MACF1: variants seen among roughly 807,000 people sequenced by gnomAD.
The protein encoded by MACF1 is microtubule actin crosslinking factor 1.
A neutral mutation model predicts 854.8 loss-of-function variants in MACF1; 193 were observed. The ratio of observed to expected loss-of-function variants is 0.23; its 90% CI spans 0.20 to 0.25. The LOEUF (loss-of-function observed/expected upper bound fraction) is 0.25, where lower values mean the gene tolerates loss of function less well. Among genes scored for constraint, MACF1 ranks in the 10% least tolerant of loss-of-function variants. The pLI is 1.00. For synonymous variants in MACF1, 3,185 were observed against 3,226.7 expected (o/e 0.99, Z 0.44); for missense variants, 7,722 against 8,929.1 (o/e 0.86, Z 5.45).
chr1:39,393,076 A>G (rs892426565), intron 58 of MACF1, among the ~76,000 whole-genome samples: 6 of 151,728 alleles, frequency 4.0e-5, no homozygotes, highest in African/African-American at 9.7e-5. Context: ...TATTGAGGAA[A>G]AGGAATTGTA....
intron 31 of MACF1, among the ~76,000 whole-genome samples, chr1:39,321,709 A>T (rs1410043653): frequency 6.6e-6 from 1 of 152,212 alleles, no homozygotes; most frequent in Non-Finnish European, 1.5e-5. Flanking sequence ...TCTTTGAACC[A>T]GTAGCATCCG....
At position 39,485,663 on chromosome 1, in the gene MACF1, G is replaced by C. The variant is rs1263871195; in HGVS notation, c.22537G>C (p.Asp7513His). The stretch of plus-strand genomic sequence containing the variant: ...CTTAGAGACGCAGTCTGCTTGTTCC[G>C]ACACTTCAGAAAGCAGCGCTGCAGG... ...DLLETQSACS[D>H]TSESSAAGGQ... Residue 7513 changes from aspartate (D) to histidine (H), a missense_variant, in exon 101 of 101, where the codon GAC becomes CAC. Physicochemically the swap from Asp to His is moderately conservative, Grantham distance 81. This residue lies in a region of MACF1 where 185 missense variants were observed against 225.7 expected (regional missense o/e 0.82). Coordinates refer to ENST00000564288, the MANE Select transcript of MACF1 (RefSeq NM_001394062.1). 1.9e-6 allele frequency: 3 copies of C among 1,614,094 alleles called. No homozygotes were observed. The highest frequency in any genetic ancestry group is 2.2e-5 in the East Asian group (1 of 44,868).
intron 2 of MACF1, among the ~76,000 whole-genome samples, chr1:39,155,558 G>T (rs974471541): frequency 6.6e-6 from 1 of 152,150 alleles, no homozygotes; most frequent in Non-Finnish European, 1.5e-5. Context: ...AGGTCTTAAG[G>T]TCATTTCAGG....
At chr1:39,202,124 G>A (rs980368865), upstream of MACF1, among the ~76,000 whole-genome samples, 10 of 149,776 alleles carry the variant, frequency 6.7e-5, no homozygotes, top group Non-Finnish European at 1.2e-4. Context: ...CCATCACCAC[G>A]CCCAGCTAAG....
intron 100 of MACF1, 40 bp from the exon 101 acceptor site, chr1:39,485,498 C>T (rs376211598): frequency 1.1e-5 from 17 of 1,545,140 alleles, no homozygotes; most frequent in Non-Finnish European, 1.4e-5. Context: ...CCACCCCATG[C>T]CATCTCTATT....
intron 2 of MACF1, among the ~76,000 whole-genome samples, chr1:39,140,863 C>T (rs1232038927): frequency 2.2e-5 from 3 of 136,988 alleles, no homozygotes; most frequent in South Asian, 2.3e-4. Flanking sequence ...TGCAGTGAGC[C>T]GAGATTGCAC....
chr1:39,262,397 C>CAAAAAAAAAAAAAAA (rs56376033), intron 6 of MACF1, among the ~76,000 whole-genome samples: 1 of 68,804 alleles, frequency 1.5e-5, no homozygotes, highest in Non-Finnish European at 2.5e-5. Flanking sequence ...GACTCCATCA[C>CAAAAAAAAAAAAAAA]AAAAAAAAAA....
chr1:39,138,369 G>A (rs990231870), intron 2 of MACF1, among the ~76,000 whole-genome samples: 4 of 151,782 alleles, frequency 2.6e-5, no homozygotes, highest in African/African-American at 9.7e-5. Context: ...AGATCACAAG[G>A]TCAGGAGATC....
In MACF1 at chr1:39,372,494, T is replaced by A; in HGVS notation, c.13111T>A (p.Trp4371Arg). The change falls in exon 52 of 101, where the codon TGG becomes AGG. Residue 4371 changes from tryptophan (W) to arginine (R), a missense_variant. By Grantham distance (101) the Trp-to-Arg change is moderately radical. Transcript: ENST00000564288. ...CTTTAAACAGAGTCTACTAGATGACTGGGCAAGTAAGGGAACTCTGGTGGA... is the reference window on the plus strand; with the variant it reads ...CTTTAAACAGAGTCTACTAGATGACAGGGCAAGTAAGGGAACTCTGGTGGA... ...IEHLKSLLDD[W>R]ASKGTLVEEI... 1 of 1,611,664 alleles carries A rather than the reference T, an allele frequency of 6.2e-7. No individual in the cohort carries two copies. The highest frequency in any genetic ancestry group is 8.5e-7 in the Non-Finnish European group (1 of 1,178,022).
intron 51 of MACF1, 62 bp from the exon 52 acceptor site, chr1:39,372,417 T>TG: frequency 1.2e-6 from 1 of 866,398 alleles, no homozygotes; most frequent in Non-Finnish European, 2.0e-6. Flanking sequence ...ACAGAACAGA[T>TG]GTCCCTACTT....
intron 26 of MACF1, among the ~76,000 whole-genome samples, chr1:39,312,061 C>T (rs1033654502): frequency 1.3e-4 from 20 of 152,062 alleles, no homozygotes; most frequent in African/African-American, 4.8e-4. Flanking sequence ...GATACAAAAT[C>T]TATTTGTCCC....
At chr1:39,175,581 A>G (rs953650223) in intron 2 of MACF1, among the ~76,000 whole-genome samples, 1 of 152,204 alleles carries the variant, frequency 6.6e-6, no homozygotes, top group Non-Finnish European at 1.5e-5. Flanking sequence ...AAGTTTGCAT[A>G]GTTAAATGCA....
intron 4 of MACF1, 59 bp downstream of exon 4, chr1:39,252,000 C>T (rs1645044984): frequency 8.1e-7 from 1 of 1,231,854 alleles, no homozygotes; most frequent in Non-Finnish European, 1.1e-6. Context: ...GCAGGGCCAT[C>T]AGAGTCTGAG....
At chr1:39,373,296 CAAAA>C in intron 52 of MACF1, 2 of 120,300 alleles carry the variant, frequency 1.7e-5, no homozygotes, top group Admixed American at 8.7e-5. Context: ...GACTCTGTCT[CAAAA>C]AAAAAAAAAA....
At chr1:39,362,597 C>T (rs1648292855) in intron 49 of MACF1, among the ~76,000 whole-genome samples, 1 of 152,034 alleles carries the variant, frequency 6.6e-6, no homozygotes, top group Admixed American at 6.6e-5. Context: ...CCTCTTCAAG[C>T]TGTCTCCTGT....
At chr1:39,139,919 T>G (rs1643300643) in intron 2 of MACF1, among the ~76,000 whole-genome samples, 2 of 151,628 alleles carry the variant, frequency 1.3e-5, no homozygotes. Context: ...GTAACTTGCC[T>G]GAGGTTACCC....
chr1:39,289,724 T>TTTTTTTTTTTTTTC (rs1645733863), intron 15 of MACF1, among the ~76,000 whole-genome samples: 1 of 133,872 alleles, frequency 7.5e-6, no homozygotes, highest in Non-Finnish European at 1.6e-5. Context: ...TTTTTTTTTT[T>TTTTTTTTTTTTTTC]TGAGACAGAG....
rs770662699 is a variant in MACF1, at chr1:39,331,774, C to G, written c.5186C>G (p.Pro1729Arg). The G allele has an allele frequency of 4.3e-6, 7 of 1,614,014 alleles. No individual in the cohort carries two copies. Among genetic ancestry groups the G allele is most frequent in the Non-Finnish European group, 4.2e-6 (5 of 1,180,048 alleles). The change falls in exon 37 of 101, where the codon CCT (proline) becomes CGT (arginine). Residue 1729 changes from proline (P) to arginine (R), a missense_variant. Around this residue, in one of 15 missense-constraint regions of MACF1, gnomAD observed 1,531 missense variants for 1,601.6 expected, o/e 0.96. Coordinates refer to ENST00000564288, the MANE Select transcript of MACF1 (RefSeq NM_001394062.1). ...CAGGAATCAGGATTCAAATTACTGC[C>G]TGTCAAACAATTGGCAGGGGGGATG... ...VHQESGFKLLPVKQLAGGMVS... is the reference protein window; with the variant it reads ...VHQESGFKLLRVKQLAGGMVS...
Position 39,353,104 on chromosome 1 carries a change from C to T in MACF1, c.11297C>T (p.Thr3766Ile), listed in dbSNP as rs1368057601. 1.2e-6 allele frequency: 2 copies of T among 1,614,130 alleles called. No homozygotes were observed. Among genetic ancestry groups the T allele is most frequent in the Admixed American group, 3.3e-5 (2 of 60,018 alleles). The change falls in exon 44 of 101, where the codon ACC becomes ATC. Residue 3766 changes from threonine to isoleucine, a missense_variant. Thr to Ile is a moderately conservative substitution (Grantham distance 89, BLOSUM62 -1). This residue lies in a region of MACF1 where 2,807 missense variants were observed against 3,235.8 expected (regional missense o/e 0.87). Coordinates refer to ENST00000564288, the MANE Select transcript of MACF1 (RefSeq NM_001394062.1). ...GGATCATCTGGTGGACAGCTGCTGA[C>T]CAACCTTCCAGGAATGGAGCAGCTC... ...SVGSSGGQLL[T>I]NLPGMEQLSG...
Sources: gnomAD v4.1 joint callset for allele counts (sites outside exome capture counted in the v4.1 genomes callset) on GRCh38, gnomAD v4.1.1 for gene constraint, gnomAD v4.1.1 regional missense constraint, MANE v1.5 for transcripts, NCBI Gene and HGNC (gene_info 2026-07-23, HGNC 2026-07-21) for gene names.